The following NEDD1 variants were observed in gnomAD, a reference collection of about 807,000 sequenced individuals.
The protein encoded by NEDD1 is protein NEDD1.
Under a neutral mutation model 74.0 loss-of-function variants are expected in NEDD1, and 33 were observed. The observed-to-expected ratio is 0.45, with a 90% CI of 0.34 to 0.60. The LOEUF is 0.60. NEDD1 is among the 20% of genes least tolerant of loss of function. The pLI, the probability that NEDD1 is intolerant of heterozygous loss-of-function variation, is 0.01. For missense variants in NEDD1, 746 were observed against 776.5 expected (o/e 0.96, Z 0.47); for synonymous variants, 250 against 264.4 (o/e 0.95, Z 0.53).
intron 7 of NEDD1, 77 bp from the exon 8 acceptor site, chr12:96,936,534 G>T (rs1877110594): frequency 1.1e-6 from 1 of 950,158 alleles, no homozygotes; most frequent in South Asian, 1.4e-5. Context: ...TCTGGTTTTG[G>T]TATATAGTTA....
intron 14 of NEDD1, among the ~76,000 whole-genome samples, chr12:96,949,145 A>C (rs935073982): frequency 1.2e-4 from 19 of 152,190 alleles, no homozygotes; most frequent in African/African-American, 4.1e-4. Flanking sequence ...CACACTGTGG[A>C]ATCAGCACAT....
At chr12:96,921,285 G>A (rs576965594) in intron 6 of NEDD1, among the ~76,000 whole-genome samples, 2 of 152,232 alleles carry the variant, frequency 1.3e-5, no homozygotes, top group East Asian at 1.9e-4. Context: ...GGGTTCAAGC[G>A]ATTCTCTTGT....
chr12:96,933,578 C>G (rs1324813455), intron 6 of NEDD1, among the ~76,000 whole-genome samples: 1 of 152,060 alleles, frequency 6.6e-6, no homozygotes, highest in East Asian at 1.9e-4. Context: ...TCTCTTTGTA[C>G]TTTAGCCATA....
intron 6 of NEDD1, among the ~76,000 whole-genome samples, chr12:96,920,631 C>CT (rs1439453721): frequency 2.0e-5 from 3 of 152,092 alleles, no homozygotes; most frequent in African/African-American, 7.2e-5. Context: ...TTTTGGGAAA[C>CT]TTTTTAAAAG....
rs1878769152 is a variant in NEDD1 at position 96,952,110 on chromosome 12, C to T, written c.*57C>T. The T allele has an allele frequency of 6.6e-6, 6 of 913,278 alleles. No individual in the cohort carries two copies. In the South Asian group the frequency reaches 8.0e-5, roughly 12 times the overall value. 56.6% of individuals were successfully genotyped at this position (913,278 alleles called of 1,614,324 possible). ...TTGGGAAGTTTCTGGCAACACAGAACTACATAGAATCAGTATTGTTTTCAT... is the reference window on the plus strand; with the variant it reads ...TTGGGAAGTTTCTGGCAACACAGAATTACATAGAATCAGTATTGTTTTCAT... On this transcript the variant is annotated 3_prime_UTR_variant, in exon 16 of 16. Coordinates refer to ENST00000266742, the MANE Select transcript of NEDD1 (RefSeq NM_152905.4).
chr12:96,925,132 C>T (rs1875554820), intron 6 of NEDD1, among the ~76,000 whole-genome samples: 1 of 151,902 alleles, frequency 6.6e-6, no homozygotes, highest in Admixed American at 6.6e-5. Context: ...AAGCAATAAA[C>T]TGCGGAGTTC....
intron 9 of NEDD1, among the ~76,000 whole-genome samples, chr12:96,939,745 G>C (rs1877480138): frequency 6.6e-6 from 1 of 151,936 alleles, no homozygotes; most frequent in African/African-American, 2.4e-5. Context: ...TACACTGCCA[G>C]AAAAAATAAA....
Position 96,943,579 on chromosome 12 carries a change from G to C in NEDD1, c.1314G>C (p.Gln438His). 1 of 1,612,978 alleles carries C rather than the reference G, an allele frequency of 6.2e-7. No homozygotes were observed. Among genetic ancestry groups the C allele is most frequent in the Non-Finnish European group, 8.5e-7 (1 of 1,179,158 alleles). ...TTCCAGGCTTTGACTTTCTACCGCA[G>C]TTGAACTCAGTGTTTCCTCCAAGAA... ...GKGDGFDFLP[Q>H]LNSVFPPRKN... The change falls in exon 12 of 16, where the codon CAG becomes CAC. Residue 438 changes from glutamine (Q) to histidine (H), a missense_variant. Coordinates refer to ENST00000266742, the MANE Select transcript of NEDD1 (RefSeq NM_152905.4).
chr12:96,948,925 A>G (rs1878449955), intron 14 of NEDD1, among the ~76,000 whole-genome samples: 1 of 152,258 alleles, frequency 6.6e-6, no homozygotes, highest in South Asian at 2.1e-4. Flanking sequence ...GTTTCCTGCC[A>G]TCTAACCCAG....
chr12:96,937,132 TA>T, intron 8 of NEDD1, 65 bp from the exon 9 acceptor site: 1 of 868,564 alleles, frequency 1.2e-6, no homozygotes, highest in Non-Finnish European at 1.6e-6. Flanking sequence ...AGGGAATTTA[TA>T]AAATATTAAT....
In NEDD1 at chr12:96,936,757, C is replaced by G; in HGVS notation, c.866C>G (p.Ala289Gly). Residue 289 changes from alanine (A) to glycine (G), a missense_variant, in exon 8 of 16, where the codon GCT becomes GGT. Coordinates refer to ENST00000266742, the MANE Select transcript of NEDD1 (RefSeq NM_152905.4). ...AAATCACCAGTTAAGACCATCAGTG[C>G]TCACAAGACATCTGTGCAGTGTATA... ...MLKSPVKTIS[A>G]HKTSVQCIAF... The G allele has an allele frequency of 6.2e-7, 1 of 1,612,656 alleles. No individual in the cohort carries two copies. The highest frequency in any genetic ancestry group is 8.5e-7 in the Non-Finnish European group (1 of 1,178,758).
chr12:96,910,826 C>T lies in NEDD1; in HGVS notation c.136+931C>T, dbSNP rs182815091. ...GAAATTTTCTTTTGTGAAACTCATA[C>T]GCTATTTCTTAACAAATTAAGATTT... On this transcript the variant is annotated intron_variant, in intron 3 of 15. Transcript: ENST00000266742. Among the ~76,000 whole-genome samples, 1,176 of 152,212 alleles carry T rather than the reference C, an allele frequency of 7.7e-3. 7 individuals are homozygous for T. The highest frequency in any genetic ancestry group is 0.013 in the Non-Finnish European group (876 of 68,008).
chr12:96,918,223 T>G (rs886946566), intron 5 of NEDD1, among the ~76,000 whole-genome samples: 1 of 151,978 alleles, frequency 6.6e-6, no homozygotes, highest in Non-Finnish European at 1.5e-5. Flanking sequence ...TTTTGTAAAC[T>G]AATTTACTAT....
intron 14 of NEDD1, 55 bp downstream of exon 14, chr12:96,945,904 A>G: frequency 2.8e-6 from 3 of 1,059,708 alleles, no homozygotes; most frequent in Non-Finnish European, 4.2e-6. Flanking sequence ...TTTTTTTTAG[A>G]TGTAAAACCA....
chr12:96,945,852 A>G lies in NEDD1; in HGVS notation c.1811+3A>G. The G allele has an allele frequency of 3.1e-6, 5 of 1,590,724 alleles. No individual in the cohort carries two copies. The highest frequency in any genetic ancestry group is 4.3e-6 in the Non-Finnish European group (5 of 1,160,944). On this transcript the variant is annotated splice_donor_region_variant and intron_variant, in intron 14 of 15. Coordinates refer to ENST00000266742, the MANE Select transcript of NEDD1 (RefSeq NM_152905.4). ...CAGGAAACGTTGGATGACTTTAGGT[A>G]GTAATTGAGAAACTACTCCTTCTAT...
chr12:96,914,989 C>G (rs1480671883), intron 4 of NEDD1, among the ~76,000 whole-genome samples: 1 of 152,098 alleles, frequency 6.6e-6, no homozygotes, highest in Non-Finnish European at 1.5e-5. Flanking sequence ...CCATCTTTTT[C>G]TATTTTATTT....
At chr12:96,932,463 A>AAAAAAAAAAAAATATATATATAT in intron 6 of NEDD1, among the ~76,000 whole-genome samples, 1 of 9,436 alleles carries the variant, frequency 1.1e-4, no homozygotes, top group African/African-American at 3.4e-4. Flanking sequence ...AAAAAAAAAA[A>AAAAAAAAAAAAATATATATATAT]ATATATATAT....
intron 5 of NEDD1, among the ~76,000 whole-genome samples, chr12:96,919,322 C>T (rs904775000): frequency 2.6e-5 from 4 of 152,202 alleles, no homozygotes; most frequent in South Asian, 4.1e-4. Context: ...CGTGAGCTTG[C>T]GCAGGTTTCT....
At chr12:96,950,742 C>T (rs558603928) in intron 14 of NEDD1, among the ~76,000 whole-genome samples, 45 of 151,868 alleles carry the variant, frequency 3.0e-4, no homozygotes, top group Non-Finnish European at 5.5e-4. Context: ...GGGCTTTTTC[C>T]CAAGAGTTAA....
Sources: allele counts gnomAD v4.1 joint callset (sites outside exome capture counted in the v4.1 genomes callset), GRCh38; gene constraint gnomAD v4.1.1; transcripts MANE v1.5; gene names NCBI Gene and HGNC (gene_info 2026-07-23, HGNC 2026-07-21).